ITPR2: variants seen among roughly 807,000 people sequenced by gnomAD.
ITPR2 encodes the protein inositol 1,4,5-trisphosphate-gated calcium channel ITPR2.
Under a neutral mutation model 317.1 loss-of-function variants are expected in ITPR2, and 207 were observed. The observed-to-expected ratio is 0.65, with a 90% CI of 0.58 to 0.73. The LOEUF is 0.73. Ranked by LOEUF, ITPR2 falls within the 30% of genes least tolerant of loss-of-function variation. The pLI is 0.00. For missense variants in ITPR2, 2,613 were observed against 3,284.0 expected (o/e 0.80, Z 4.99); for synonymous variants, 1,156 against 1,149.1 (o/e 1.01, Z -0.12).
intron 47 of ITPR2, among the ~76,000 whole-genome samples, chr12:26,437,958 C>T (rs908580038): frequency 2.0e-5 from 3 of 151,980 alleles, no homozygotes; most frequent in East Asian, 3.9e-4. Flanking sequence ...CCTGCCACCA[C>T]GCCCGGCTAA....
At chr12:26,393,858 C>A (rs1382989717) in intron 54 of ITPR2, among the ~76,000 whole-genome samples, 1 of 152,202 alleles carries the variant, frequency 6.6e-6, no homozygotes, top group Non-Finnish European at 1.5e-5. Context: ...CTGTTGTCTG[C>A]AGTATATACA....
At chr12:26,482,033 G>C (rs1189434897) in intron 42 of ITPR2, among the ~76,000 whole-genome samples, 1 of 152,214 alleles carries the variant, frequency 6.6e-6, no homozygotes, top group Admixed American at 6.5e-5. Flanking sequence ...ACCTTGTCAA[G>C]AGGTATGAAA....
chr12:26,719,651 G>A (rs994619018), intron 5 of ITPR2, among the ~76,000 whole-genome samples: 5 of 152,034 alleles, frequency 3.3e-5, no homozygotes, highest in Non-Finnish European at 4.4e-5. Flanking sequence ...TGTGCACAAC[G>A]TGCAGGTTTG....
chr12:26,438,664 T>C (rs1243961595), intron 47 of ITPR2, among the ~76,000 whole-genome samples: 2 of 152,178 alleles, frequency 1.3e-5, no homozygotes, highest in Non-Finnish European at 2.9e-5. Context: ...ACTTGTTTGA[T>C]TTGGGGAGGT....
intron 55 of ITPR2, among the ~76,000 whole-genome samples, chr12:26,362,995 C>G (rs1477341948): frequency 1.3e-5 from 2 of 152,204 alleles, no homozygotes; most frequent in Non-Finnish European, 2.9e-5. Context: ...TCACGAGTCA[C>G]GTAGATCAGG....
intron 37 of ITPR2, among the ~76,000 whole-genome samples, chr12:26,527,663 C>A (rs992430208): frequency 6.6e-6 from 1 of 152,036 alleles, no homozygotes; most frequent in African/African-American, 2.4e-5. Flanking sequence ...AATGAGATAC[C>A]AATACTAATG....
At chr12:26,783,816 CAG>C (rs1370283728) in intron 2 of ITPR2, among the ~76,000 whole-genome samples, 3 of 150,770 alleles carry the variant, frequency 2.0e-5, no homozygotes, top group African/African-American at 4.8e-5. Context: ...AAGCATCAGA[CAG>C]ACACACAAGG....
In ITPR2 at chr12:26,339,629, T is replaced by A. The variant is rs528396309; in HGVS notation, c.8020-146A>T. Reference sequence around the variant, plus strand: ...ATATTTATCAAAAAAGGGATTTTTTTAAAAGTGAATTTCCATAAACAGAGA... The same window carrying A: ...ATATTTATCAAAAAAGGGATTTTTTAAAAAGTGAATTTCCATAAACAGAGA... On this transcript the variant is annotated intron_variant, in intron 56 of 56. Transcript: ENST00000381340. The A allele has an allele frequency of 5.9e-5, 37 of 631,538 alleles. 1 individual carries two copies. Among genetic ancestry groups the A allele is most frequent in the Admixed American group, 5.6e-4 (19 of 33,950 alleles). The allele number at this position is 631,538 out of a possible 1,614,324, so 39.1% of individuals were successfully genotyped here. A position where few individuals can be genotyped will look rare whatever the true frequency, so the allele number is the denominator to read the frequency against.
At chr12:26,815,723 A>G (rs781128426) in intron 1 of ITPR2, among the ~76,000 whole-genome samples, 4 of 152,220 alleles carry the variant, frequency 2.6e-5, no homozygotes, top group Non-Finnish European at 5.9e-5. Flanking sequence ...GGAGAAAAAA[A>G]AAGTCCAAAA....
intron 13 of ITPR2, among the ~76,000 whole-genome samples, chr12:26,666,671 A>G (rs571763499): frequency 1.1e-4 from 16 of 152,344 alleles, no homozygotes; most frequent in Admixed American, 5.9e-4. Flanking sequence ...CTGACACTCA[A>G]AATACTGGAA....
At chr12:26,349,069 G>A (rs1938398000) in intron 55 of ITPR2, among the ~76,000 whole-genome samples, 1 of 152,140 alleles carries the variant, frequency 6.6e-6, no homozygotes, top group South Asian at 2.1e-4. Context: ...GATCATTCGA[G>A]CCTAGAAGGT....
In ITPR2 at chr12:26,538,818, G is replaced by A. The variant is rs1339613288; in HGVS notation, c.5073+11429C>T. On this transcript the variant is annotated intron_variant, in intron 37 of 56. Transcript: ENST00000381340. ...TCTCGAACTCCTGACCTCGTGATCC[G>A]CCTGCCTCCACCTCCCAAAGTGCTA... Among the ~76,000 whole-genome samples, 8 of 152,066 alleles carry A rather than the reference G, an allele frequency of 5.3e-5. 1 individual carries two copies. The East Asian group carries it at 7.7e-4, about 15-fold the overall frequency.
intron 32 of ITPR2, among the ~76,000 whole-genome samples, chr12:26,580,821 C>T (rs1412546676): frequency 6.6e-6 from 1 of 152,132 alleles, no homozygotes; most frequent in Non-Finnish European, 1.5e-5. Context: ...CTGATCTTTA[C>T]ATCTGATGAA....
intron 32 of ITPR2, among the ~76,000 whole-genome samples, chr12:26,583,719 T>C (rs1211012586): frequency 2.6e-5 from 4 of 152,184 alleles, no homozygotes; most frequent in Non-Finnish European, 5.9e-5. Context: ...GAGGTTTGTC[T>C]TATAGTGTGT....
chr12:26,588,931 G>GA (rs1424228846), intron 32 of ITPR2, among the ~76,000 whole-genome samples: 2 of 152,144 alleles, frequency 1.3e-5, no homozygotes, highest in Admixed American at 1.3e-4. Context: ...CATCTTCAAA[G>GA]AAAAAATATA....
chr12:26,474,886 A>G (rs1942381676), intron 45 of ITPR2, among the ~76,000 whole-genome samples: 1 of 152,012 alleles, frequency 6.6e-6, no homozygotes, highest in Admixed American at 6.5e-5. Context: ...AAGCATGTCA[A>G]CCTACAATTC....
chr12:26,833,049 CCCCGGCAGG>C lies in ITPR2; in HGVS notation c.-277_-269del. 2.2e-6 allele frequency: 1 copy of C among 447,720 alleles called. No homozygotes were observed. The highest frequency in any genetic ancestry group is 2.1e-5 in the African/African-American group (1 of 47,334). 27.7% of individuals were successfully genotyped at this position (447,720 alleles called of 1,614,324 possible). Reference sequence around the variant, plus strand: ...AGAGAAGCCGCAGCCGCCGCCGCCTCCCCGGCAGGTTTCCTGTTCCTTTCTGAAGTTTTC... The same window carrying C: ...AGAGAAGCCGCAGCCGCCGCCGCCTCTTTCCTGTTCCTTTCTGAAGTTTTC... On this transcript the variant is annotated 5_prime_UTR_variant, in exon 1 of 57. Transcript: ENST00000381340.
Position 26,758,764 on chromosome 12 carries a change from G to A in ITPR2, c.163+31393C>T, listed in dbSNP as rs547802798. Among the ~76,000 whole-genome samples, 13 of 152,282 alleles carry A rather than the reference G, an allele frequency of 8.5e-5. No individual in the cohort carries two copies. In the East Asian group the frequency reaches 1.9e-3, roughly 23 times the overall value. Reference sequence around the variant, plus strand: ...TGGTCTGTGGCTGCCTACATAGAACGAGGTATATGGATGGCAGAAGAATTT... The same window carrying A: ...TGGTCTGTGGCTGCCTACATAGAACAAGGTATATGGATGGCAGAAGAATTT... On this transcript the variant is annotated intron_variant, in intron 2 of 56. Transcript: ENST00000381340.
chr12:26,808,114 C>CCAA (rs147119019), intron 1 of ITPR2, among the ~76,000 whole-genome samples: 2,880 of 152,284 alleles, frequency 0.019, 86 homozygotes, highest in African/African-American at 0.066. Context: ...GGCCTAGAAA[C>CCAA]CATTCTTCAC....
Sources: allele counts gnomAD v4.1 joint callset (sites outside exome capture counted in the v4.1 genomes callset), GRCh38; gene constraint gnomAD v4.1.1; transcripts MANE v1.5; gene names NCBI Gene and HGNC (gene_info 2026-07-23, HGNC 2026-07-21).